TLN2: variants seen among roughly 807,000 people sequenced by gnomAD.
TLN2 encodes the protein talin-2.
A neutral mutation model predicts 294.7 loss-of-function variants in TLN2; 118 were observed. The ratio of observed to expected loss-of-function variants is 0.40; its 90% CI spans 0.34 to 0.47. TLN2 has a LOEUF of 0.47. Ranked by LOEUF, TLN2 falls within the 20% of genes least tolerant of loss-of-function variation. TLN2 has a pLI of 0.84. For missense variants in TLN2, 3,083 were observed against 3,282.2 expected (o/e 0.94, Z 1.48); for synonymous variants, 1,431 against 1,304.5 (o/e 1.10, Z -2.09).
chr15:62,840,571 T>C lies in TLN2; in HGVS notation c.7590T>C (p.Tyr2530=), dbSNP rs1327303036. The C allele has an allele frequency of 1.9e-6, 3 of 1,614,074 alleles. No homozygotes were observed. Among genetic ancestry groups the C allele is most frequent in the Admixed American group, 1.7e-5 (1 of 60,010 alleles). The change falls in exon 59 of 59, where the codon TAT becomes TAC. Residue 2530 remains tyrosine, a synonymous_variant. Coordinates refer to ENST00000636159, the MANE Select transcript of TLN2 (RefSeq NM_015059.3). ...TGGCCCAAATCCGCCAGCAGCAGTA[T>C]AAGTTTTTACCCACCGAGCTGAGGG... ...KKLAQIRQQQ[Y]KFLPTELRED...
intron 11 of TLN2, among the ~76,000 whole-genome samples, chr15:62,683,598 CCT>C (rs1325768480): frequency 6.6e-6 from 1 of 152,000 alleles, no homozygotes; most frequent in Non-Finnish European, 1.5e-5. Context: ...CATTCTCCTG[CCT>C]CTGAGTTACA....
chr15:62,657,670 C>A, intron 8 of TLN2, 101 bp from the exon 9 acceptor site: 2 of 1,497,214 alleles, frequency 1.3e-6, no homozygotes, highest in Non-Finnish European at 1.8e-6. Flanking sequence ...GGCACTGTCC[C>A]CTGCTCCACA....
At chr15:62,707,778 C>T (rs1033320332) in intron 20 of TLN2, among the ~76,000 whole-genome samples, 2 of 152,070 alleles carry the variant, frequency 1.3e-5, no homozygotes, top group African/African-American at 4.8e-5. Context: ...CCTTAGATGT[C>T]AGTAGGTTAA....
At chr15:62,792,305 C>G (rs1381928994) in intron 45 of TLN2, among the ~76,000 whole-genome samples, 1 of 152,172 alleles carries the variant, frequency 6.6e-6, no homozygotes, top group Non-Finnish European at 1.5e-5. Flanking sequence ...GAATGAATAA[C>G]AGAATTATCC....
chr15:62,413,386 C>T (rs2140257970), intron 1 of TLN2, among the ~76,000 whole-genome samples: 1 of 152,220 alleles, frequency 6.6e-6, no homozygotes, highest in South Asian at 2.1e-4. Context: ...TGGCCCTGCC[C>T]CCACCCCCAA....
At chr15:62,695,270 T>C (rs2058244124) in intron 14 of TLN2, among the ~76,000 whole-genome samples, 1 of 152,120 alleles carries the variant, frequency 6.6e-6, no homozygotes, top group South Asian at 2.1e-4. Context: ...GGAATTCCAA[T>C]AACAACTCCC....
Position 62,763,489 on chromosome 15 carries a change from C to G in TLN2, c.4962-74C>G. 7.9e-6 allele frequency: 12 copies of G among 1,510,106 alleles called. 1 individual carries two copies. The South Asian group carries it at 1.6e-4, about 20-fold the overall frequency. 93.5% of individuals were successfully genotyped at this position (1,510,106 alleles called of 1,614,324 possible). ...GGGAGGAAGTGGACAGGGATCCTGG[C>G]CCACCAGTGCTGGAGCAGGCTGTGG... On this transcript the variant is annotated intron_variant, in intron 39 of 58. Transcript: ENST00000636159.
chr15:62,677,858 C>T (rs918789328), intron 11 of TLN2, among the ~76,000 whole-genome samples: 2 of 114,296 alleles, frequency 1.7e-5, no homozygotes, highest in Non-Finnish European at 3.3e-5. Context: ...AGCAATGGCA[C>T]GATCTCGGCT....
intron 9 of TLN2, among the ~76,000 whole-genome samples, chr15:62,662,531 G>A (rs2053970005): frequency 6.6e-6 from 1 of 152,186 alleles, no homozygotes; most frequent in Admixed American, 6.5e-5. Context: ...ATATGTGCGT[G>A]TGTAAGTGCA....
chr15:62,553,208 A>G (rs1421484876), intron 1 of TLN2, among the ~76,000 whole-genome samples: 1 of 152,198 alleles, frequency 6.6e-6, no homozygotes, highest in Non-Finnish European at 1.5e-5. Flanking sequence ...ATTTAAGAAT[A>G]ATGGCGGCTG....
In TLN2 at chr15:62,580,402, A is replaced by ACCTCCCTC. The variant is rs149866384; in HGVS notation, c.-237-9269_-237-9262dup. Among the ~76,000 whole-genome samples the ACCTCCCTC allele has an allele frequency of 2.4e-3, 315 of 132,366 alleles. 4 individuals carry two copies. The highest frequency in any genetic ancestry group is 8.1e-3 in the African/African-American group (287 of 35,362). 86.8% of individuals were successfully genotyped at this position (132,366 alleles called of 152,430 possible). ...AGAGTTTCTCTCTTCTCCCCTCTCT[A>ACCTCCCTC]CCTCCCTCCCTCCCTCCCTCCCTTC... On this transcript the variant is annotated intron_variant, in intron 1 of 58. Coordinates refer to ENST00000636159, the MANE Select transcript of TLN2 (RefSeq NM_015059.3).
intron 21 of TLN2, 63 bp from the exon 22 acceptor site, chr15:62,711,848 C>T (rs2059448768): frequency 6.5e-7 from 1 of 1,532,766 alleles, no homozygotes; most frequent in African/African-American, 1.4e-5. Flanking sequence ...GTAGTGGCTC[C>T]TGAGGTTTTA....
chr15:62,741,748 C>CGCGCGTGTGTGTGTGTGTGTGTGT, intron 32 of TLN2, among the ~76,000 whole-genome samples: 17,366 of 130,906 alleles, frequency 0.13, 1,492 homozygotes, highest in South Asian at 0.25. Flanking sequence ...AAAATTTGCG[C>CGCGCGTGTGTGTGTGTGTGTGTGT]GTGTGTGTGT....
intron 1 of TLN2, among the ~76,000 whole-genome samples, chr15:62,501,007 A>G (rs1234397889): frequency 6.6e-6 from 1 of 152,224 alleles, no homozygotes; most frequent in African/African-American, 2.4e-5. Flanking sequence ...TCTGGTCCTC[A>G]CAAATAGTGC....
At chr15:62,524,929 G>A (rs1202310831) in intron 1 of TLN2, among the ~76,000 whole-genome samples, 1 of 152,162 alleles carries the variant, frequency 6.6e-6, no homozygotes, top group African/African-American at 2.4e-5. Flanking sequence ...CACTCAAGGG[G>A]AAAAAGGTCC....
At chr15:62,539,857 C>G (rs1037847959) in intron 1 of TLN2, among the ~76,000 whole-genome samples, 5 of 146,024 alleles carry the variant, frequency 3.4e-5, no homozygotes, top group African/African-American at 1.3e-4. Flanking sequence ...GCCAGAAGAC[C>G]ATTAACTGAT....
chr15:62,423,901 C>A (rs2034556842), intron 1 of TLN2, among the ~76,000 whole-genome samples: 1 of 152,126 alleles, frequency 6.6e-6, no homozygotes, highest in Admixed American at 6.5e-5. Context: ...TTTAAGACAT[C>A]AAATTCAGGG....
At chr15:62,620,509 T>C (rs183632185) in intron 3 of TLN2, among the ~76,000 whole-genome samples, 8 of 151,936 alleles carry the variant, frequency 5.3e-5, no homozygotes, top group Admixed American at 5.2e-4. Context: ...TTTCTTTTTT[T>C]TTTCTGTTGC....
chr15:62,664,530 C>T (rs1031893615), intron 9 of TLN2, among the ~76,000 whole-genome samples: 14 of 151,922 alleles, frequency 9.2e-5, no homozygotes, highest in Non-Finnish European at 4.4e-5. Context: ...CAAGGAGATA[C>T]AGGAAGATAT....
Sources: allele counts gnomAD v4.1 joint callset (sites outside exome capture counted in the v4.1 genomes callset), GRCh38; gene constraint gnomAD v4.1.1; transcripts MANE v1.5; gene names NCBI Gene and HGNC (gene_info 2026-07-23, HGNC 2026-07-21).